PLXNC1: variants seen among roughly 807,000 people sequenced by gnomAD.
The protein encoded by PLXNC1 is plexin-C1.
Under a neutral mutation model 178.2 loss-of-function variants are expected in PLXNC1, and 75 were observed. That is an observed-to-expected ratio of 0.42 (90% CI 0.35 to 0.51). The LOEUF is 0.51. Among genes scored for constraint, PLXNC1 ranks in the 20% least tolerant of loss-of-function variants. The pLI is 0.02. For synonymous variants in PLXNC1, 790 were observed against 779.9 expected, an observed-to-expected ratio of 1.01 and a Z score of -0.22; for missense variants, 1,503 against 1,984.4, an observed-to-expected ratio of 0.76 and a Z score of 4.61.
At chr12:94,216,139 G>T (rs1963639381) in intron 5 of PLXNC1, among the ~76,000 whole-genome samples, 1 of 151,980 alleles carries the variant, frequency 6.6e-6, no homozygotes, top group South Asian at 2.1e-4. Context: ...GTGGTGGCAG[G>T]TGTCTGTAAT....
At chr12:94,177,575 G>GAAGGA (rs1273209286) in intron 2 of PLXNC1, among the ~76,000 whole-genome samples, 1 of 151,834 alleles carries the variant, frequency 6.6e-6, no homozygotes, top group East Asian at 1.9e-4. Flanking sequence ...GAGAGGTAAG[G>GAAGGA]AAGGAAAGGA....
intron 21 of PLXNC1, among the ~76,000 whole-genome samples, chr12:94,274,155 TAAAAAAAAAAAAAAA>T (rs3060881): frequency 2.2e-4 from 10 of 45,370 alleles, no homozygotes; most frequent in South Asian, 3.1e-3. Flanking sequence ...ACCCTGTCTC[TAAAAAAAAAAAAAAA>T]AAAAAAAAAA....
chr12:94,226,489 T>TG, intron 7 of PLXNC1, 116 bp from the exon 8 acceptor site: 1 of 93,420 alleles, frequency 1.1e-5, no homozygotes, highest in Middle Eastern at 1.2e-3. Context: ...TGTCCAGGGA[T>TG]TTTTTTTTTT....
At chr12:94,294,576 C>T (rs1280797453) in intron 24 of PLXNC1, 36 bp downstream of exon 24, 2 of 927,756 alleles carry the variant, frequency 2.2e-6, no homozygotes, top group Middle Eastern at 2.1e-4. Context: ...TTTGTTCTCA[C>T]CCAGCTTCAT....
intron 4 of PLXNC1, among the ~76,000 whole-genome samples, chr12:94,200,536 T>C (rs1313722553): frequency 6.6e-6 from 1 of 152,150 alleles, no homozygotes; most frequent in East Asian, 1.9e-4. Flanking sequence ...TTCAGGAGGA[T>C]CGGGTTTTAA....
chr12:94,286,864 T>C (rs1057073055), intron 23 of PLXNC1, among the ~76,000 whole-genome samples: 2 of 152,146 alleles, frequency 1.3e-5, no homozygotes, highest in Non-Finnish European at 2.9e-5. Flanking sequence ...AATGATTTAC[T>C]CTCAGCACAT....
chr12:94,238,656 A>G (rs1221313608), intron 10 of PLXNC1, among the ~76,000 whole-genome samples: 4 of 152,260 alleles, frequency 2.6e-5, no homozygotes, highest in Non-Finnish European at 5.9e-5. Context: ...TGCATTTAAG[A>G]CAATCTGCTG....
At chr12:94,243,253 G>C (rs1374244570) in intron 11 of PLXNC1, among the ~76,000 whole-genome samples, 1 of 152,206 alleles carries the variant, frequency 6.6e-6, no homozygotes, top group Non-Finnish European at 1.5e-5. Flanking sequence ...CCAGGCTCTT[G>C]TCCCCTAGAA....
chr12:94,207,218 G>T (rs1398926134), intron 4 of PLXNC1, among the ~76,000 whole-genome samples: 1 of 151,920 alleles, frequency 6.6e-6, no homozygotes, highest in African/African-American at 2.4e-5. Context: ...GTTCAGAGGT[G>T]GTGGGTTGTT....
intron 4 of PLXNC1, among the ~76,000 whole-genome samples, chr12:94,198,968 A>G (rs1057081917): frequency 6.6e-6 from 1 of 152,170 alleles, no homozygotes; most frequent in Non-Finnish European, 1.5e-5. Flanking sequence ...AACGCACAAC[A>G]TGAGGGAAGA....
chr12:94,304,262 C>T, intron 30 of PLXNC1: 2 of 431,684 alleles, frequency 4.6e-6, no homozygotes, highest in East Asian at 7.1e-5. Context: ...ACATTTGGAC[C>T]AGCCTGAATT....
intron 14 of PLXNC1, among the ~76,000 whole-genome samples, chr12:94,248,620 C>T (rs1344205907): frequency 6.6e-6 from 1 of 152,204 alleles, no homozygotes; most frequent in African/African-American, 2.4e-5. Context: ...AACGTCAAAG[C>T]GTTGGACACA....
Position 94,260,916 on chromosome 12 carries a change from C to A in PLXNC1, c.3450+76C>A. ...TTTTTAGCGGACTCTGATGCCTTTGCCAGGATAAATCCTGAATGCTCGATG... is the reference window on the plus strand; with the variant it reads ...TTTTTAGCGGACTCTGATGCCTTTGACAGGATAAATCCTGAATGCTCGATG... On this transcript the variant is annotated intron_variant, in intron 20 of 30. Transcript: ENST00000258526. This position sits in a 1 kb window ranked among gnomAD's most constrained non-coding sequence, Gnocchi z 4.4. The A allele has an allele frequency of 7.9e-7, 1 of 1,263,246 alleles. No homozygotes were observed. Among genetic ancestry groups the A allele is most frequent in the Non-Finnish European group, 1.1e-6 (1 of 878,252 alleles). The allele number at this position is 1,263,246 out of a possible 1,614,324, so 78.3% of individuals were successfully genotyped here. A position where few individuals can be genotyped will look rare whatever the true frequency, so the allele number is the denominator to read the frequency against.
Position 94,149,328 on chromosome 12 carries a change from CG to C in PLXNC1, c.363del (p.Leu122CysfsTer21). ...CCTACCGCGAGGGGGCGGCCGGCCT[CG>C]GGGGGCTGCTGCTCACCGGCTGGAC... Reference protein sequence around the residue: ...LPYREGAAGLGGLLLTGWTFD... With the variant: ...LPYREGAAGLXGLLLTGWTFD... On this transcript the variant is annotated frameshift_variant, in exon 1 of 31. Coordinates refer to ENST00000258526, the MANE Select transcript of PLXNC1 (RefSeq NM_005761.3). LOFTEE classifies it high-confidence loss of function. 1.4e-6 allele frequency: 2 copies of C among 1,441,836 alleles called. No homozygotes were observed. Among genetic ancestry groups the C allele is most frequent in the Non-Finnish European group, 1.8e-6 (2 of 1,107,004 alleles). The allele number at this position is 1,441,836 out of a possible 1,614,324, so 89.3% of individuals were successfully genotyped here.
chr12:94,194,383 T>C (rs1962838801), intron 4 of PLXNC1, among the ~76,000 whole-genome samples: 1 of 152,216 alleles, frequency 6.6e-6, no homozygotes, highest in Admixed American at 6.5e-5. Flanking sequence ...GAATCTGGGC[T>C]TTGTGTGACC....
chr12:94,253,211 G>GGAAAA (rs777541052), intron 15 of PLXNC1, among the ~76,000 whole-genome samples: 1 of 42,018 alleles, frequency 2.4e-5, no homozygotes, highest in Admixed American at 3.8e-4. Flanking sequence ...CTCCGTCTCA[G>GGAAAA]AAAAAAAAAA....
rs766923908 is a variant in PLXNC1, at chr12:94,303,876, T to G, written c.4507T>G (p.Phe1503Val). 6.2e-7 allele frequency: 1 copy of G among 1,609,332 alleles called. No homozygotes were observed. The highest frequency in any genetic ancestry group is 2.2e-5 in the East Asian group (1 of 44,786). Reference protein sequence around the residue: ...PPLSSSEMEEFLTQESKKHEN... With the variant: ...PPLSSSEMEEVLTQESKKHEN... ...ATTGTCATCCTCAGAAATGGAAGAA[T>G]TTTTAACTCAGGAATCTAAGGTATC... The change falls in exon 29 of 31, where the codon TTT (phenylalanine) becomes GTT (valine). Residue 1503 changes from phenylalanine to valine, a missense_variant. Phe to Val is a conservative substitution (Grantham distance 50). This residue lies in a region of PLXNC1 where 639 missense variants were observed against 979.7 expected (regional missense o/e 0.65). Transcript: ENST00000258526.
At chr12:94,222,195 G>A (rs1476397283) in intron 6 of PLXNC1, among the ~76,000 whole-genome samples, 1 of 152,148 alleles carries the variant, frequency 6.6e-6, no homozygotes, top group Admixed American at 6.5e-5. Context: ...TGCCTCTAAA[G>A]TATTTGAGAT....
Position 94,149,234 on chromosome 12 carries a change from C to G in PLXNC1, c.263C>G (p.Thr88Arg), listed in dbSNP as rs758886459. ...RLYRDQAGNC[T>R]EPVSLAPPAR... ...TACCGGGACCAAGCGGGCAACTGCA[C>G]AGAGCCGGTCTCGCTGGCGCCCCCC... Residue 88 changes from threonine (T) to arginine (R), a missense_variant, in exon 1 of 31, where the codon ACA becomes AGA. Thr to Arg is a moderately conservative substitution (Grantham distance 71). Transcript: ENST00000258526. 2.5e-6 allele frequency: 4 copies of G among 1,570,854 alleles called. No homozygotes were observed. The highest frequency in any genetic ancestry group is 3.4e-6 in the Non-Finnish European group (4 of 1,164,528).
Sources: gnomAD v4.1 joint callset for allele counts (sites outside exome capture counted in the v4.1 genomes callset) on GRCh38, gnomAD v4.1.1 for gene constraint, gnomAD v4.1.1 regional missense constraint, Gnocchi (gnomAD v3.1) non-coding constraint, MANE v1.5 for transcripts, NCBI Gene and HGNC (gene_info 2026-07-23, HGNC 2026-07-21) for gene names.